The following CPED1 variants were observed in gnomAD, a reference collection of about 807,000 sequenced individuals.
The protein encoded by CPED1 is cadherin-like and PC-esterase domain-containing protein 1.
Under a neutral mutation model 128.2 loss-of-function variants are expected in CPED1, and 114 were observed. That is an observed-to-expected ratio of 0.89 (90% CI 0.76 to 1.04). CPED1 has a LOEUF of 1.04. Ranked by LOEUF, CPED1 falls within the 50% of genes least tolerant of loss-of-function variation. The pLI is 0.00. For synonymous variants in CPED1, 462 were observed against 426.7 expected (o/e 1.08, Z -1.02); for missense variants, 1,211 against 1,207.1 (o/e 1.00, Z -0.05).
intron 18 of CPED1, among the ~76,000 whole-genome samples, chr7:121,247,463 C>A (rs967206303): frequency 2.6e-5 from 4 of 152,196 alleles, no homozygotes; most frequent in Non-Finnish European, 5.9e-5. Flanking sequence ...AGTAAACCAA[C>A]ATTTGGACAG....
chr7:121,090,572 C>G (rs937834915), intron 5 of CPED1, among the ~76,000 whole-genome samples: 1 of 152,108 alleles, frequency 6.6e-6, no homozygotes, highest in African/African-American at 2.4e-5. Flanking sequence ...ACTAATATAC[C>G]TTTATGTGTT....
At chr7:121,261,533 G>A in intron 18 of CPED1, 1 of 1,520,556 alleles carries the variant, frequency 6.6e-7, no homozygotes, top group East Asian at 2.4e-5. Context: ...TTGGCCATGA[G>A]ACTGAGTTCT....
intron 14 of CPED1, among the ~76,000 whole-genome samples, chr7:121,140,399 C>G (rs1795874329): frequency 6.6e-6 from 1 of 151,998 alleles, no homozygotes; most frequent in Non-Finnish European, 1.5e-5. Context: ...CAATGACACT[C>G]CACATTAAGA....
intron 16 of CPED1, among the ~76,000 whole-genome samples, chr7:121,205,768 C>T (rs1205827068): frequency 6.6e-6 from 1 of 151,994 alleles, no homozygotes; most frequent in Non-Finnish European, 1.5e-5. Flanking sequence ...CTGTAAGAAC[C>T]TGTTCAGTTC....
chr7:121,233,756 A>C (rs1798188276), intron 16 of CPED1, among the ~76,000 whole-genome samples: 1 of 152,072 alleles, frequency 6.6e-6, no homozygotes, highest in South Asian at 2.1e-4. Flanking sequence ...TTTAAATTAT[A>C]AGTTTCAGAG....
chr7:121,227,232 C>T (rs534264941), intron 16 of CPED1, among the ~76,000 whole-genome samples: 68 of 152,094 alleles, frequency 4.5e-4, no homozygotes, highest in Middle Eastern at 3.4e-3. Context: ...CCTTTCTCTG[C>T]AGCTGGGCCC....
chr7:121,227,330 T>G (rs1798038580), intron 16 of CPED1, among the ~76,000 whole-genome samples: 1 of 152,198 alleles, frequency 6.6e-6, no homozygotes, highest in East Asian at 1.9e-4. Flanking sequence ...TGAATGTTTA[T>G]CACATGCTGA....
At chr7:121,032,097 CT>C (rs1343005797) in intron 3 of CPED1, among the ~76,000 whole-genome samples, 1 of 152,140 alleles carries the variant, frequency 6.6e-6, no homozygotes, top group East Asian at 1.9e-4. Flanking sequence ...ATCTATACAA[CT>C]TTAAATATAC....
rs553805957 is a variant in CPED1, at chr7:121,237,396, G to A, written c.2173+565G>A. On this transcript the variant is annotated intron_variant, in intron 17 of 22. Coordinates refer to ENST00000310396, the MANE Select transcript of CPED1 (RefSeq NM_024913.5). The stretch of plus-strand genomic sequence containing the variant: ...TCTCTTTTCACTAAAAAAAAGTTAG[G>A]GGGCATGATCACTAGTATCCCTCAT... Among the ~76,000 whole-genome samples, 10 of 152,186 alleles carry A rather than the reference G, an allele frequency of 6.6e-5. No homozygotes were observed. In the East Asian group the frequency reaches 1.4e-3, roughly 21 times the overall value.
chr7:121,180,521 A>C (rs538749508), intron 16 of CPED1, among the ~76,000 whole-genome samples: 1 of 151,988 alleles, frequency 6.6e-6, no homozygotes, highest in Admixed American at 6.6e-5. Context: ...ATTCATGACA[A>C]AATCTAGAAT....
chr7:121,203,772 T>C (rs1797456624), intron 16 of CPED1, among the ~76,000 whole-genome samples: 1 of 152,132 alleles, frequency 6.6e-6, no homozygotes, highest in South Asian at 2.1e-4. Flanking sequence ...AAGGTAATTG[T>C]ATTAAATGAG....
intron 5 of CPED1, among the ~76,000 whole-genome samples, chr7:121,077,823 T>G (rs1412049622): frequency 6.6e-6 from 1 of 151,888 alleles, no homozygotes; most frequent in Non-Finnish European, 1.5e-5. Flanking sequence ...TTACCTTTAT[T>G]TATGGTATTT....
At chr7:121,185,464 A>T (rs188290692) in intron 16 of CPED1, among the ~76,000 whole-genome samples, 76 of 152,240 alleles carry the variant, frequency 5.0e-4, no homozygotes, top group South Asian at 1.7e-3. Context: ...ATCACAGGAG[A>T]TAGGATAAAT....
At position 121,091,481 on chromosome 7, in the gene CPED1, C is replaced by T. The variant is rs775246259; in HGVS notation, c.617-6218C>T. Among the ~76,000 whole-genome samples, 6 of 152,090 alleles carry T rather than the reference C, an allele frequency of 3.9e-5. No homozygotes were observed. In the South Asian group the frequency reaches 1.2e-3, roughly 32 times the overall value. On this transcript the variant is annotated intron_variant, in intron 5 of 22. Transcript: ENST00000310396. ...ATCTGTTAGTGAGTAGTGGTGGGAA[C>T]CTGTTAGTGTTAAACTCAAAAGGAA...
intron 2 of CPED1, among the ~76,000 whole-genome samples, chr7:121,014,559 AAATAAT>A (rs994787658): frequency 6.7e-6 from 1 of 148,238 alleles, no homozygotes; most frequent in African/African-American, 2.5e-5. Flanking sequence ...CAAAAAAAAA[AAATAAT>A]AATAATAATA....
Position 121,141,008 on chromosome 7 carries a change from G to A in CPED1, c.1881G>A (p.Gly627=), listed in dbSNP as rs1795890319. The A allele has an allele frequency of 6.2e-7, 1 of 1,608,262 alleles. No individual in the cohort carries two copies. Among genetic ancestry groups the A allele is most frequent in the Admixed American group, 1.7e-5 (1 of 58,672 alleles). The part of the protein sequence containing the change: ...LCKVHLYEQA[G]PSFASYPLGL... ...AGGTGCACCTGTACGAGCAGGCAGGGCCAAGGTATGAGATGTTGACTGGGG... is the reference window on the plus strand; with the variant it reads ...AGGTGCACCTGTACGAGCAGGCAGGACCAAGGTATGAGATGTTGACTGGGG... Residue 627 remains glycine (G), a synonymous_variant, in exon 15 of 23, where the codon GGG becomes GGA. Transcript: ENST00000310396.
intron 16 of CPED1, among the ~76,000 whole-genome samples, chr7:121,174,164 TG>T (rs773524544): frequency 8.3e-4 from 126 of 152,300 alleles, no homozygotes; most frequent in Non-Finnish European, 1.4e-3. Context: ...TCTCCCATTC[TG>T]TGAGGTGTCT....
chr7:121,155,465 C>T (rs1447826181), intron 16 of CPED1, among the ~76,000 whole-genome samples: 3 of 152,140 alleles, frequency 2.0e-5, no homozygotes, highest in Non-Finnish European at 2.9e-5. Context: ...AAATTAACTA[C>T]AAAGCTATAG....
intron 12 of CPED1, among the ~76,000 whole-genome samples, chr7:121,130,946 A>G (rs543630704): frequency 6.6e-6 from 1 of 152,082 alleles, no homozygotes; most frequent in South Asian, 2.1e-4. Flanking sequence ...CTAGTTAGGG[A>G]AAAGGGGCAA....
Sources: gnomAD v4.1 joint callset for allele counts (sites outside exome capture counted in the v4.1 genomes callset) on GRCh38, gnomAD v4.1.1 for gene constraint, MANE v1.5 for transcripts, NCBI Gene and HGNC (gene_info 2026-07-23, HGNC 2026-07-21) for gene names.